ERICH6B: variants seen among roughly 807,000 people sequenced by gnomAD.
ERICH6B encodes the protein glutamate rich 6B.
Under a neutral mutation model 80.0 loss-of-function variants are expected in ERICH6B, and 69 were observed. The observed-to-expected ratio is 0.86, with a 90% CI of 0.71 to 1.05. The LOEUF is 1.05. ERICH6B is among the 50% of genes least tolerant of loss of function. ERICH6B has a pLI of 0.00. For synonymous variants in ERICH6B, 283 were observed against 291.9 expected (o/e 0.97, Z 0.31); for missense variants, 754 against 796.1 (o/e 0.95, Z 0.64).
intron 1 of ERICH6B, 44 bp from the exon 2 acceptor site, chr13:45,607,659 C>G (rs1346726028): frequency 6.6e-6 from 1 of 152,226 alleles, no homozygotes; most frequent in Non-Finnish European, 1.5e-5. Context: ...GGAAGTTGGG[C>G]AGAGAAAAAC....
chr13:45,597,166 G>C, intron 2 of ERICH6B, 103 bp from the exon 3 acceptor site: 1 of 803,270 alleles, frequency 1.2e-6, no homozygotes, highest in Admixed American at 3.0e-5. Context: ...GTCTTTGGAG[G>C]GCTCTTTAAG....
At chr13:45,579,828 G>T in intron 7 of ERICH6B, 105 bp downstream of exon 7, 1 of 1,126,148 alleles carries the variant, frequency 8.9e-7, no homozygotes, top group Non-Finnish European at 1.3e-6. Flanking sequence ...CTGGGCCCTG[G>T]GTCATGCTGG....
intron 12 of ERICH6B, 76 bp downstream of exon 12, chr13:45,550,155 T>A (rs2860345): frequency 0.52 from 795,723 of 1,530,628 alleles, 215,710 homozygotes; most frequent in African/African-American, 0.82. Flanking sequence ...GTCAAACCCC[T>A]TACCCCATAA....
chr13:45,604,472 T>G (rs144157925), intron 2 of ERICH6B, among the ~76,000 whole-genome samples: 81 of 152,284 alleles, frequency 5.3e-4, no homozygotes, highest in Middle Eastern at 3.4e-3. Context: ...GCCAGAACTC[T>G]GGCCCCTCCA....
chr13:45,561,434 G>A lies in ERICH6B; in HGVS notation c.1342C>T (p.Gln448Ter). The A allele has an allele frequency of 6.4e-7, 1 of 1,552,274 alleles. No individual in the cohort carries two copies. The highest frequency in any genetic ancestry group is 8.7e-7 in the Non-Finnish European group (1 of 1,147,132). Reference protein sequence around the residue: ...KPETEEIQKPQRVVHHRKKLE... With the variant: ...KPETEEIQKP ...TTCTTCCTATGATGAACAACACGTTGAGGCTTTTGGATTTCTTCTGTCTCA... is the reference window on the plus strand; with the variant it reads ...TTCTTCCTATGATGAACAACACGTTAAGGCTTTTGGATTTCTTCTGTCTCA... Residue 448 changes from glutamine (Q) to a stop codon, truncating the protein, a stop_gained, in exon 11 of 15, where the codon CAA becomes TAA. Transcript: ENST00000298738. LOFTEE classifies it high-confidence loss of function.
At chr13:45,589,944 G>T (rs190543894) in intron 4 of ERICH6B, among the ~76,000 whole-genome samples, 2 of 152,186 alleles carry the variant, frequency 1.3e-5, no homozygotes, top group African/African-American at 2.4e-5. Context: ...CCATGTGGGA[G>T]CCCTGTGCCC....
At chr13:45,542,530 A>G (rs1009202301) in intron 14 of ERICH6B, among the ~76,000 whole-genome samples, 3 of 151,896 alleles carry the variant, frequency 2.0e-5, no homozygotes, top group Admixed American at 6.6e-5. Context: ...CCTCCCCGGG[A>G]CTCTAGCTCT....
chr13:45,546,582 T>C (rs985122690), intron 13 of ERICH6B, among the ~76,000 whole-genome samples: 1 of 152,180 alleles, frequency 6.6e-6, no homozygotes, highest in Non-Finnish European at 1.5e-5. Flanking sequence ...GTGTACTTTT[T>C]CCCCAAGACG....
intron 11 of ERICH6B, 27 bp downstream of exon 11, chr13:45,561,342 A>G (rs767802093): frequency 1.3e-6 from 2 of 1,541,980 alleles, no homozygotes; most frequent in South Asian, 2.4e-5. Flanking sequence ...TGCAAAGTAA[A>G]AAACAGCAAT....
chr13:45,604,322 A>G (rs1249163104), intron 2 of ERICH6B, among the ~76,000 whole-genome samples: 2 of 152,214 alleles, frequency 1.3e-5, no homozygotes, highest in Non-Finnish European at 2.9e-5. Flanking sequence ...GCTTAGTCTT[A>G]TCTGTATCCT....
Position 45,568,464 on chromosome 13 carries a change from CA to C in ERICH6B, c.1051-14del. ...AGCTGTTCAAAAACTACAAAAGGAT[CA>C]AAGAATGAAATATTCAGAAAATGGA... On this transcript the variant is annotated splice_polypyrimidine_tract_variant and intron_variant, in intron 8 of 14. Transcript: ENST00000298738. The C allele has an allele frequency of 6.8e-7, 1 of 1,478,778 alleles. No homozygotes were observed. Among genetic ancestry groups the C allele is most frequent in the Non-Finnish European group, 9.0e-7 (1 of 1,116,340 alleles). The allele number at this position is 1,478,778 out of a possible 1,614,324, so 91.6% of individuals were successfully genotyped here.
In ERICH6B at chr13:45,606,503, GTGTATATATATATATATA is replaced by G. The variant is rs1949861455; in HGVS notation, c.-59+1043_-59+1060del. On this transcript the variant is annotated intron_variant, in intron 2 of 14. Transcript: ENST00000298738. ...CTTGGCTGAGATCCCAAAAGTGTAT[GTGTATATATATATATATA>G]TATATATATATATATATATATATAT... 6.1e-4 allele frequency among the ~76,000 whole-genome samples: 20 copies of G among 32,774 alleles called. 1 individual carries two copies. The South Asian group carries it at 6.5e-3, about 11-fold the overall frequency. The allele number at this position is 32,774 out of a possible 152,430, so 21.5% of individuals were successfully genotyped here.
intron 14 of ERICH6B, 137 bp from the exon 15 acceptor site, chr13:45,541,817 CCCTGCCA>C: frequency 1.3e-6 from 1 of 750,564 alleles, no homozygotes; most frequent in Non-Finnish European, 2.2e-6. Flanking sequence ...GTGTTCTCAG[CCCTGCCA>C]CCTGCCACCT....
intron 1 of ERICH6B, among the ~76,000 whole-genome samples, chr13:45,612,168 C>T (rs929154153): frequency 3.3e-5 from 5 of 152,168 alleles, no homozygotes; most frequent in African/African-American, 9.7e-5. Flanking sequence ...TTCACCAGAC[C>T]TTATCCAATG....
chr13:45,607,271 G>A (rs1566308256), intron 2 of ERICH6B, among the ~76,000 whole-genome samples: 1 of 152,186 alleles, frequency 6.6e-6, no homozygotes, highest in Non-Finnish European at 1.5e-5. Flanking sequence ...GTATTTCAGA[G>A]CTTGCAGATA....
chr13:45,598,637 T>C (rs1420730724), intron 2 of ERICH6B, among the ~76,000 whole-genome samples: 1 of 152,142 alleles, frequency 6.6e-6, no homozygotes, highest in African/African-American at 2.4e-5. Flanking sequence ...ATGGCACATT[T>C]ACCCACCCAC....
chr13:45,552,733 T>C (rs1874271264), intron 11 of ERICH6B: 1 of 152,624 alleles, frequency 6.6e-6, no homozygotes, highest in African/African-American at 2.4e-5. Context: ...ATAGAGATTT[T>C]GTGTCTCCAG....
intron 13 of ERICH6B, among the ~76,000 whole-genome samples, 171 bp downstream of exon 13, chr13:45,549,722 C>G (rs1874135056): frequency 6.6e-6 from 1 of 152,206 alleles, no homozygotes; most frequent in Non-Finnish European, 1.5e-5. Flanking sequence ...GAACATCGTG[C>G]CTCCTCTGTG....
intron 7 of ERICH6B, among the ~76,000 whole-genome samples, chr13:45,578,999 G>A (rs965762189): frequency 2.0e-5 from 3 of 152,220 alleles, no homozygotes; most frequent in African/African-American, 7.2e-5. Context: ...GCTGTGAGCT[G>A]TTCTCACGCC....
Sources: gnomAD v4.1 joint callset for allele counts (sites outside exome capture counted in the v4.1 genomes callset) on GRCh38, gnomAD v4.1.1 for gene constraint, MANE v1.5 for transcripts, NCBI Gene and HGNC (gene_info 2026-07-23, HGNC 2026-07-21) for gene names.